SORCS3: variants seen among roughly 807,000 people sequenced by gnomAD.
SORCS3 encodes sortilin related VPS10 domain containing receptor 3.
In SORCS3, 57 loss-of-function variants were observed where a neutral mutation model predicts 146.3. That is an observed-to-expected ratio of 0.39 (90% CI 0.31 to 0.49). SORCS3 has a LOEUF of 0.49. Among genes scored for constraint, SORCS3 ranks in the 20% least tolerant of loss-of-function variants. SORCS3 has a pLI of 0.92. For missense variants in SORCS3, 1,341 were observed against 1,575.5 expected (o/e 0.85, Z 2.52); for synonymous variants, 653 against 618.5 (o/e 1.06, Z -0.83).
At chr10:105,009,519 CAAA>C (rs1564733954) in intron 4 of SORCS3, among the ~76,000 whole-genome samples, 33 of 33,032 alleles carry the variant, frequency 1.0e-3, no homozygotes, top group African/African-American at 3.4e-3. Context: ...AACAAACAAA[CAAA>C]CAAACAAAAA....
chr10:105,246,415 CT>C (rs138261989), intron 21 of SORCS3, among the ~76,000 whole-genome samples: 13,451 of 151,544 alleles, frequency 0.089, 782 homozygotes, highest in Admixed American at 0.16. Context: ...TTCATTTCTT[CT>C]TTTTTTTATG....
intron 2 of SORCS3, among the ~76,000 whole-genome samples, chr10:104,858,741 C>A (rs1253494052): frequency 6.6e-6 from 1 of 151,664 alleles, no homozygotes; most frequent in African/African-American, 2.4e-5. Flanking sequence ...CCTGCCTCAG[C>A]CCCCTGAGTA....
At chr10:104,976,851 T>C (rs1056983291) in intron 3 of SORCS3, among the ~76,000 whole-genome samples, 3 of 152,034 alleles carry the variant, frequency 2.0e-5, no homozygotes, top group African/African-American at 4.8e-5. Flanking sequence ...TAGGTGGGAA[T>C]TGAACAATGA....
chr10:104,817,696 T>C (rs1275699319), intron 1 of SORCS3, among the ~76,000 whole-genome samples: 2 of 101,090 alleles, frequency 2.0e-5, no homozygotes, highest in Non-Finnish European at 4.0e-5. Context: ...TTTCCCTTTT[T>C]TCCCTCTTAT....
At chr10:105,179,821 G>A (rs921656304) in intron 14 of SORCS3, among the ~76,000 whole-genome samples, 5 of 152,198 alleles carry the variant, frequency 3.3e-5, no homozygotes, top group African/African-American at 1.2e-4. Flanking sequence ...AAAATATTAT[G>A]TATTTCTGTA....
At chr10:105,208,847 G>T (rs1043504896) in intron 16 of SORCS3, among the ~76,000 whole-genome samples, 1 of 152,094 alleles carries the variant, frequency 6.6e-6, no homozygotes, top group African/African-American at 2.4e-5. Flanking sequence ...GAGTCCATAC[G>T]AACTGTCAGA....
intron 1 of SORCS3, among the ~76,000 whole-genome samples, chr10:104,765,863 A>G (rs1160723901): frequency 1.3e-5 from 2 of 152,190 alleles, no homozygotes; most frequent in Admixed American, 6.5e-5. Flanking sequence ...CACTCAGCTA[A>G]TAAGTGTCAG....
intron 1 of SORCS3, among the ~76,000 whole-genome samples, chr10:104,752,279 G>A (rs1320723042): frequency 1.3e-5 from 2 of 151,684 alleles, no homozygotes; most frequent in Non-Finnish European, 2.9e-5. Flanking sequence ...CAAGTGATTC[G>A]CCTGCCTCAG....
intron 3 of SORCS3, among the ~76,000 whole-genome samples, chr10:104,965,597 T>G (rs540920898): frequency 6.6e-6 from 1 of 152,336 alleles, no homozygotes; most frequent in South Asian, 2.1e-4. Context: ...TCTGATTTTT[T>G]ATTTTTTATT....
chr10:104,790,693 A>T (rs1395857164), intron 1 of SORCS3, among the ~76,000 whole-genome samples: 1 of 152,094 alleles, frequency 6.6e-6, no homozygotes, highest in East Asian at 1.9e-4. Flanking sequence ...AGAGATTGTG[A>T]GTTGGTGATT....
intron 1 of SORCS3, among the ~76,000 whole-genome samples, chr10:104,680,273 A>G (rs1470630279): frequency 6.6e-6 from 1 of 152,220 alleles, no homozygotes; most frequent in East Asian, 1.9e-4. Flanking sequence ...AAATACAAGC[A>G]AGCACATAAA....
intron 6 of SORCS3, among the ~76,000 whole-genome samples, chr10:105,098,356 C>G (rs74157422): frequency 0.024 from 3,713 of 152,218 alleles, 154 homozygotes; most frequent in African/African-American, 0.084. Context: ...AAAGTCAGAA[C>G]ATATAAGAAA....
chr10:104,777,419 A>G (rs932998579), intron 1 of SORCS3, among the ~76,000 whole-genome samples: 2 of 152,106 alleles, frequency 1.3e-5, no homozygotes. Context: ...GCCCCATTCC[A>G]ACCTGCTGTA....
At chr10:105,150,365 T>G (rs552292009) in intron 9 of SORCS3, among the ~76,000 whole-genome samples, 1 of 152,278 alleles carries the variant, frequency 6.6e-6, no homozygotes, top group Non-Finnish European at 1.5e-5. Flanking sequence ...AGCCTGTTCC[T>G]ATGACACCGC....
chr10:105,028,333 G>A (rs1052333582), intron 4 of SORCS3, among the ~76,000 whole-genome samples: 1 of 152,208 alleles, frequency 6.6e-6, no homozygotes, highest in South Asian at 2.1e-4. Context: ...TGAATGAAAT[G>A]TAGTCAAGAA....
chr10:104,649,427 C>G (rs1205163653), intron 1 of SORCS3, among the ~76,000 whole-genome samples: 2 of 152,202 alleles, frequency 1.3e-5, no homozygotes, highest in Non-Finnish European at 2.9e-5. Context: ...CCATTTGTAG[C>G]AAGCACTCAA....
chr10:104,676,233 A>T (rs1172437590), intron 1 of SORCS3, among the ~76,000 whole-genome samples: 2 of 152,168 alleles, frequency 1.3e-5, no homozygotes, highest in African/African-American at 2.4e-5. Context: ...GTTATGACCT[A>T]CCCACAGTGT....
At chr10:105,131,414 C>A (rs1356847752) in intron 7 of SORCS3, among the ~76,000 whole-genome samples, 2 of 152,118 alleles carry the variant, frequency 1.3e-5, no homozygotes, top group African/African-American at 2.4e-5. Flanking sequence ...AAAGCTTCCA[C>A]ATGTCATTTC....
At chr10:104,850,752 C>G (rs2018266219) in intron 2 of SORCS3, among the ~76,000 whole-genome samples, 1 of 152,206 alleles carries the variant, frequency 6.6e-6, no homozygotes, top group Non-Finnish European at 1.5e-5. Context: ...ACGAAATGAT[C>G]TTTTGAAACT....
Sources: gnomAD v4.1 joint callset for allele counts (sites outside exome capture counted in the v4.1 genomes callset) on GRCh38, gnomAD v4.1.1 for gene constraint, MANE v1.5 for transcripts, NCBI Gene and HGNC (gene_info 2026-07-23, HGNC 2026-07-21) for gene names.